Variants in SLC25A26 observed in about 807,000 individuals in gnomAD.
SLC25A26 encodes solute carrier family 25 member 26.
SLC25A26 carries 36 observed loss-of-function variants against 37.8 expected under a neutral mutation model. The ratio of observed to expected loss-of-function variants is 0.95; its 90% CI spans 0.73 to 1.26. SLC25A26 has a LOEUF of 1.26. SLC25A26 is among the 50% of genes most tolerant of loss of function. The pLI is 0.00. For synonymous variants in SLC25A26, 129 were observed against 122.5 expected (o/e 1.05, Z -0.35); for missense variants, 390 against 331.1 (o/e 1.18, Z -1.38).
At chr3:66,277,022 AG>A (rs1362560515) in intron 5 of SLC25A26, among the ~76,000 whole-genome samples, 6 of 151,936 alleles carry the variant, frequency 3.9e-5, no homozygotes, top group Non-Finnish European at 7.4e-5. Flanking sequence ...TTTCCGATCA[AG>A]ATACCTGAAT....
intron 1 of SLC25A26, among the ~76,000 whole-genome samples, chr3:66,151,659 C>T (rs1184464908): frequency 2.0e-5 from 3 of 152,154 alleles, no homozygotes; most frequent in Non-Finnish European, 2.9e-5. Context: ...TACACATCAT[C>T]CTCTCCTTCT....
chr3:66,232,144 A>G (rs2072064087), intron 1 of SLC25A26, among the ~76,000 whole-genome samples: 1 of 152,226 alleles, frequency 6.6e-6, no homozygotes, highest in South Asian at 2.1e-4. Flanking sequence ...ATAATTTAAA[A>G]TGTTCATTTT....
intron 3 of SLC25A26, among the ~76,000 whole-genome samples, chr3:66,246,233 C>T (rs78883818): frequency 9.9e-5 from 15 of 152,142 alleles, no homozygotes; most frequent in African/African-American, 3.4e-4. Context: ...TGTATACTTA[C>T]ATTTGTTGGT....
At chr3:66,174,609 T>A (rs968655409) in intron 1 of SLC25A26, among the ~76,000 whole-genome samples, 6 of 150,502 alleles carry the variant, frequency 4.0e-5, no homozygotes, top group African/African-American at 1.5e-4. Flanking sequence ...TGAAACCCCG[T>A]CTCTACTTAA....
chr3:66,225,632 G>C (rs532640018), intron 1 of SLC25A26, among the ~76,000 whole-genome samples: 21 of 152,308 alleles, frequency 1.4e-4, no homozygotes, highest in Non-Finnish European at 2.5e-4. Context: ...TCTGCAGCCA[G>C]CTTGAATTTT....
intron 1 of SLC25A26, among the ~76,000 whole-genome samples, chr3:66,203,213 T>G (rs952825897): frequency 6.6e-6 from 1 of 152,032 alleles, no homozygotes; most frequent in Non-Finnish European, 1.5e-5. Context: ...AAACCTTGTT[T>G]CTATAAATAA....
intron 1 of SLC25A26, among the ~76,000 whole-genome samples, chr3:66,190,684 C>G (rs1302564725): frequency 1.3e-5 from 2 of 152,216 alleles, no homozygotes; most frequent in Non-Finnish European, 2.9e-5. Context: ...CCGCCTCAGC[C>G]TCCCAAAATG....
chr3:66,223,226 T>C (rs2071583281), intron 1 of SLC25A26, among the ~76,000 whole-genome samples: 1 of 152,334 alleles, frequency 6.6e-6, no homozygotes, highest in East Asian at 1.9e-4. Flanking sequence ...CACGAAGTGG[T>C]AACATTTCAG....
At chr3:66,377,553 A>G (rs1700743840) in intron 9 of SLC25A26, 137 bp from the exon 10 acceptor site, 3 of 616,420 alleles carry the variant, frequency 4.9e-6, no homozygotes, top group Non-Finnish European at 2.9e-6. Flanking sequence ...TACTTGCCTT[A>G]TTTGGGAGCG....
At chr3:66,286,486 T>TA (rs2074517549) in intron 5 of SLC25A26, among the ~76,000 whole-genome samples, 1 of 152,128 alleles carries the variant, frequency 6.6e-6, no homozygotes, top group Non-Finnish European at 1.5e-5. Context: ...TTGCATCTTT[T>TA]AAAAAAATCA....
intron 5 of SLC25A26, among the ~76,000 whole-genome samples, chr3:66,306,008 G>A (rs1323871993): frequency 6.6e-6 from 1 of 151,398 alleles, no homozygotes; most frequent in Non-Finnish European, 1.5e-5. Context: ...TTTTTGAGAT[G>A]GAGTCTCGCT....
intron 9 of SLC25A26, among the ~76,000 whole-genome samples, chr3:66,374,771 C>T (rs1700547006): frequency 6.6e-6 from 1 of 152,042 alleles, no homozygotes; most frequent in Non-Finnish European, 1.5e-5. Flanking sequence ...GTCCCAGCTA[C>T]TTGGGAAGCT....
intron 5 of SLC25A26, among the ~76,000 whole-genome samples, chr3:66,316,055 A>G (rs562404686): frequency 6.6e-6 from 1 of 151,970 alleles, no homozygotes; most frequent in Admixed American, 6.5e-5. Context: ...ATGGATCTTG[A>G]CTCTTTACTC....
Position 66,258,668 on chromosome 3 carries a change from A to G in SLC25A26, c.301-3383A>G, listed in dbSNP as rs1576732978. ...TAACATATTTTATTAAACCACACAC[A>G]TCCATGGTATTTAGATTTCACTGTA... On this transcript the variant is annotated intron_variant, in intron 3 of 9. Transcript: ENST00000354883. Among the ~76,000 whole-genome samples, 3 of 152,250 alleles carry G rather than the reference A, an allele frequency of 2.0e-5. No individual in the cohort carries two copies. In the South Asian group the frequency reaches 6.2e-4, roughly 32 times the overall value.
chr3:66,276,931 T>C (rs941557809), intron 5 of SLC25A26, among the ~76,000 whole-genome samples: 1 of 149,650 alleles, frequency 6.7e-6, no homozygotes, highest in Non-Finnish European at 1.5e-5. Context: ...CAGCATGAAC[T>C]TGGAAGCTGC....
chr3:66,229,891 C>G (rs1426829971), intron 1 of SLC25A26, among the ~76,000 whole-genome samples: 3 of 152,112 alleles, frequency 2.0e-5, no homozygotes, highest in Non-Finnish European at 4.4e-5. Flanking sequence ...GTACACAGTT[C>G]TTTCCATTAG....
chr3:66,307,582 C>T (rs147488526), intron 5 of SLC25A26, among the ~76,000 whole-genome samples: 1,809 of 152,250 alleles, frequency 0.012, 43 homozygotes, highest in African/African-American at 0.041. Context: ...TTTGCCCATG[C>T]CTACGTCCTG....
chr3:66,192,018 A>G (rs1320306395), intron 1 of SLC25A26, among the ~76,000 whole-genome samples: 1 of 151,854 alleles, frequency 6.6e-6, no homozygotes, highest in Non-Finnish European at 1.5e-5. Context: ...GTGCCTTTAT[A>G]AAAAGAGATT....
intron 1 of SLC25A26, among the ~76,000 whole-genome samples, chr3:66,149,540 T>C (rs963559322): frequency 5.3e-5 from 8 of 152,220 alleles, no homozygotes; most frequent in African/African-American, 7.2e-5. Context: ...CTGAGGGTAA[T>C]AGCAGTTAGA....
Sources: allele counts gnomAD v4.1 joint callset (sites outside exome capture counted in the v4.1 genomes callset), GRCh38; gene constraint gnomAD v4.1.1; transcripts MANE v1.5; gene names NCBI Gene and HGNC (gene_info 2026-07-23, HGNC 2026-07-21).